Variants in MGA observed in about 807,000 individuals in gnomAD.
MGA encodes the protein MAX dimerization protein MGA.
MGA carries 40 observed loss-of-function variants against 261.1 expected under a neutral mutation model. The observed-to-expected ratio is 0.15, with a 90% CI of 0.12 to 0.20. The LOEUF is 0.20. Among genes scored for constraint, MGA ranks in the 10% least tolerant of loss-of-function variants. The pLI is 1.00. For missense variants in MGA, 3,397 were observed against 3,630.5 expected, an observed-to-expected ratio of 0.94 and a Z score of 1.65; for synonymous variants, 1,302 against 1,290.6, an observed-to-expected ratio of 1.01 and a Z score of -0.19.
At chr15:41,737,397 C>T (rs2061844240) in intron 13 of MGA, among the ~76,000 whole-genome samples, 3 of 151,644 alleles carry the variant, frequency 2.0e-5, no homozygotes, top group Admixed American at 1.3e-4. Flanking sequence ...TCAGGTGATC[C>T]ACCCACCTTG....
At chr15:41,752,938 T>C (rs952964850) in intron 17 of MGA, among the ~76,000 whole-genome samples, 16 of 151,760 alleles carry the variant, frequency 1.1e-4, no homozygotes, top group Admixed American at 2.6e-4. Context: ...TTATACTGAC[T>C]TTTTTTTTAA....
intron 9 of MGA, chr15:41,718,818 A>C (rs2060792839): frequency 6.5e-6 from 1 of 154,140 alleles, no homozygotes; most frequent in Admixed American, 6.5e-5. Context: ...ATTAATGATA[A>C]AAGACTTATT....
At chr15:41,717,300 A>G (rs2060694049) in intron 9 of MGA, among the ~76,000 whole-genome samples, 1 of 152,186 alleles carries the variant, frequency 6.6e-6, no homozygotes, top group African/African-American at 2.4e-5. Flanking sequence ...TACCAAGGGA[A>G]AGAATAAAAC....
chr15:41,697,575 C>T (rs959441676), intron 3 of MGA, among the ~76,000 whole-genome samples: 5 of 152,036 alleles, frequency 3.3e-5, no homozygotes, highest in Non-Finnish European at 4.4e-5. Context: ...TGCCACCACA[C>T]CCAGCTAATT....
At chr15:41,752,763 G>C (rs992961978) in intron 17 of MGA, among the ~76,000 whole-genome samples, 2 of 151,932 alleles carry the variant, frequency 1.3e-5, no homozygotes, top group South Asian at 4.2e-4. Context: ...TCACCATATT[G>C]GCCAGGCTGG....
chr15:41,665,077 C>T (rs1241633799), intron 1 of MGA, among the ~76,000 whole-genome samples: 4 of 152,046 alleles, frequency 2.6e-5, no homozygotes, highest in Non-Finnish European at 4.4e-5. Context: ...CTTTTGAAGT[C>T]GTGATTTTAA....
chr15:41,656,965 T>G (rs1235162577), upstream of MGA, among the ~76,000 whole-genome samples: 1 of 151,926 alleles, frequency 6.6e-6, no homozygotes, highest in Non-Finnish European at 1.5e-5. Flanking sequence ...CAGAGATGGG[T>G]TCTCACTATG....
At chr15:41,763,138 T>G (rs1029589680) in intron 22 of MGA, among the ~76,000 whole-genome samples, 8 of 143,940 alleles carry the variant, frequency 5.6e-5, no homozygotes, top group African/African-American at 2.0e-4. Context: ...CTTGCTCTGT[T>G]GCCCGGGCTG....
At chr15:41,622,902 A>G (rs1395329679) in intron 1 of MGA, among the ~76,000 whole-genome samples, 1 of 152,238 alleles carries the variant, frequency 6.6e-6, no homozygotes, top group African/African-American at 2.4e-5. Context: ...TTTATCTTAA[A>G]AAGAGTCTTC....
At chr15:41,660,581 T>C (rs2057323521) in intron 1 of MGA, 56 bp downstream of exon 1, 1 of 152,666 alleles carries the variant, frequency 6.6e-6, no homozygotes, top group Admixed American at 6.5e-5. Flanking sequence ...ATTGGAGTTT[T>C]TCGAGAGTTT....
intron 13 of MGA, among the ~76,000 whole-genome samples, chr15:41,739,325 A>G (rs952976636): frequency 7.2e-5 from 11 of 152,350 alleles, no homozygotes; most frequent in African/African-American, 2.6e-4. Flanking sequence ...TGTTTTATCC[A>G]AGAGATGAAA....
chr15:41,654,907 T>C (rs1474948826), intron 1 of MGA, among the ~76,000 whole-genome samples: 1 of 152,228 alleles, frequency 6.6e-6, no homozygotes, highest in Non-Finnish European at 1.5e-5. Flanking sequence ...TAGATGAATA[T>C]ATAACAGATG....
chr15:41,707,627 T>C, intron 5 of MGA, 101 bp from the exon 6 acceptor site: 1 of 1,138,230 alleles, frequency 8.8e-7, no homozygotes, highest in South Asian at 1.7e-5. Context: ...TCTCTCGACC[T>C]TACCCCCCCG....
chr15:41,707,343 C>T (rs188710356), intron 5 of MGA, among the ~76,000 whole-genome samples: 53 of 152,290 alleles, frequency 3.5e-4, no homozygotes, highest in Admixed American at 2.9e-3. Context: ...GGATCTGCTT[C>T]CAGTTTCCCT....
intron 2 of MGA, among the ~76,000 whole-genome samples, chr15:41,695,449 A>G (rs1215226243): frequency 6.6e-6 from 1 of 152,180 alleles, no homozygotes; most frequent in African/African-American, 2.4e-5. Context: ...AGCCTCCCAA[A>G]GTAGTGGGAT....
rs1408236741 is a variant in MGA, at chr15:41,769,091, C to T, written c.*1811C>T. On this transcript the variant is annotated 3_prime_UTR_variant, in exon 24 of 24. Transcript: ENST00000219905. ...AATGCCTTAGCCAAGGAGTCCAGCACCTGTCTCCCCTGCTAATAATTGTCC... is the reference window on the plus strand; with the variant it reads ...AATGCCTTAGCCAAGGAGTCCAGCATCTGTCTCCCCTGCTAATAATTGTCC... 6.6e-6 allele frequency: 1 copy of T among 152,570 alleles called. No homozygotes were observed. The highest frequency in any genetic ancestry group is 1.5e-5 in the Non-Finnish European group (1 of 68,042). 9.5% of individuals were successfully genotyped at this position (152,570 alleles called of 1,614,324 possible). A position where few individuals can be genotyped will look rare whatever the true frequency, so the allele number is the denominator to read the frequency against.
chr15:41,670,997 C>T (rs1034789162), intron 2 of MGA, among the ~76,000 whole-genome samples: 14 of 152,254 alleles, frequency 9.2e-5, no homozygotes, highest in African/African-American at 3.4e-4. Flanking sequence ...TTCCCTTCTT[C>T]AATTATAGTA....
At chr15:41,641,039 A>G (rs564628348) in intron 1 of MGA, among the ~76,000 whole-genome samples, 24 of 152,266 alleles carry the variant, frequency 1.6e-4, no homozygotes, top group African/African-American at 5.3e-4. Flanking sequence ...TCTACTTTCT[A>G]TCTCTATGGA....
chr15:41,690,687 T>C (rs895078368), intron 2 of MGA, among the ~76,000 whole-genome samples: 4 of 152,106 alleles, frequency 2.6e-5, no homozygotes, highest in African/African-American at 9.7e-5. Flanking sequence ...AAACCCTGTC[T>C]CTACTAAAGA....
Sources: allele counts gnomAD v4.1 joint callset (sites outside exome capture counted in the v4.1 genomes callset), GRCh38; gene constraint gnomAD v4.1.1; transcripts MANE v1.5; gene names NCBI Gene and HGNC (gene_info 2026-07-23, HGNC 2026-07-21).